Variants in RNF187 observed in about 807,000 individuals in gnomAD.
RNF187 encodes E3 ubiquitin-protein ligase RNF187.
RNF187 carries 18 observed loss-of-function variants against 22.2 expected under a neutral mutation model. That is an observed-to-expected ratio of 0.81 (90% CI 0.56 to 1.20). The LOEUF is 1.20. RNF187 is among the 50% of genes most tolerant of loss of function. The probability of loss-of-function intolerance (pLI) is 0.00; values close to 1 mark genes in which losing one functional copy is unlikely to be tolerated. For synonymous variants in RNF187, 164 were observed against 140.9 expected, an observed-to-expected ratio of 1.16 and a Z score of -1.16; for missense variants, 329 against 317.6, an observed-to-expected ratio of 1.04 and a Z score of -0.27.
Position 228,494,890 on chromosome 1 carries a change from G to C in RNF187, c.*1005G>C. 1 of 985,280 alleles carries C rather than the reference G, an allele frequency of 1.0e-6. No homozygotes were observed. Among genetic ancestry groups the C allele is most frequent in the Admixed American group, 6.2e-5 (1 of 16,254 alleles). The allele number at this position is 985,280 out of a possible 1,614,324, so 61.0% of individuals were successfully genotyped here. ...AGCCTTTCAGCCCTTCTGAGTCCCC[G>C]GCCCTTGGTGCGATGTCTGTGAGTT... On this transcript the variant is annotated 3_prime_UTR_variant, in exon 4 of 4. Transcript: ENST00000305943.
chr1:228,492,955 G>C, intron 2 of RNF187, 98 bp from the exon 3 acceptor site: 1 of 1,271,974 alleles, frequency 7.9e-7, no homozygotes, highest in Non-Finnish European at 1.1e-6. Flanking sequence ...GCATGTTTTG[G>C]AGTGGCATGT....
At chr1:228,489,688 C>T in intron 2 of RNF187, among the ~76,000 whole-genome samples, 12 of 152,316 alleles carry the variant, frequency 7.9e-5, no homozygotes, top group Admixed American at 1.3e-4. Context: ...GGCAGATTCC[C>T]TGTCTGGTGA....
chr1:228,493,199 G>GTTCAGGTCACTGCTGCAGGC lies in RNF187; in HGVS notation c.631_650dup (p.Val218SerfsTer117). The stretch of plus-strand genomic sequence containing the variant: ...ACGAGCTGGCTGACCCCACTGAGCG[G>GTTCAGGTCACTGCTGCAGGC]TTCAGGTCACTGCTGCAGGCGGTCT... On this transcript the variant is annotated frameshift_variant, in exon 3 of 4. Coordinates refer to ENST00000305943, the MANE Select transcript of RNF187 (RefSeq NM_001010858.3). LOFTEE classifies it high-confidence loss of function. This position sits in a 1 kb window ranked among gnomAD's most constrained non-coding sequence, Gnocchi z 4.7. 1 of 1,551,696 alleles carries GTTCAGGTCACTGCTGCAGGC rather than the reference G, an allele frequency of 6.4e-7. No homozygotes were observed. Among genetic ancestry groups the GTTCAGGTCACTGCTGCAGGC allele is most frequent in the Non-Finnish European group, 8.7e-7 (1 of 1,147,002 alleles).
Position 228,495,216 on chromosome 1 carries a change from T to C in RNF187, c.*1331T>C. ...TATAGGGTCCATGGGTGGGAATGAC[T>C]GTGAGGAGACATCAGGGCTGAGGGG... On this transcript the variant is annotated 3_prime_UTR_variant, in exon 4 of 4. Coordinates refer to ENST00000305943, the MANE Select transcript of RNF187 (RefSeq NM_001010858.3). 1 of 244,920 alleles carries C rather than the reference T, an allele frequency of 4.1e-6. No individual in the cohort carries two copies. Among genetic ancestry groups the C allele is most frequent in the South Asian group, 1.5e-4 (1 of 6,644 alleles). The allele number at this position is 244,920 out of a possible 1,614,324, so 15.2% of individuals were successfully genotyped here.
chr1:228,493,853 C>T lies in RNF187; in HGVS notation c.706-30C>T. On this transcript the variant is annotated intron_variant, in intron 3 of 3. Coordinates refer to ENST00000305943, the MANE Select transcript of RNF187 (RefSeq NM_001010858.3). This position sits in a 1 kb window ranked among gnomAD's most constrained non-coding sequence, Gnocchi z 4.7. ...TGTGTGTCTCTTTCTCTTTTTGTCT[C>T]TCTGTCTTTCCCTCTCCCCTCCCAT... 1.3e-5 allele frequency: 20 copies of T among 1,551,042 alleles called. No homozygotes were observed. Among genetic ancestry groups the T allele is most frequent in the East Asian group, 1.2e-4 (5 of 40,916 alleles).
chr1:228,488,265 C>T, intron 1 of RNF187: 2 of 153,194 alleles, frequency 1.3e-5, no homozygotes, highest in African/African-American at 4.8e-5. Flanking sequence ...CCTCTAGTTC[C>T]TACAGATTGA....
Position 228,493,880 on chromosome 1 carries a change from C to T in RNF187, c.706-3C>T. The T allele has an allele frequency of 3.2e-6, 5 of 1,551,698 alleles. No individual in the cohort carries two copies. The highest frequency in any genetic ancestry group is 2.0e-5 in the Admixed American group (1 of 50,998). On this transcript the variant is annotated splice_polypyrimidine_tract_variant and splice_region_variant and intron_variant, in intron 3 of 3. Transcript: ENST00000305943. The surrounding 1 kb of genome is among the most constrained non-coding windows in gnomAD (Gnocchi z 4.7). Reference sequence around the variant, plus strand: ...CTGTCTTTCCCTCTCCCCTCCCATGCAGTGATGGCGCCAACCCGTGGCAGT... The same window carrying T: ...CTGTCTTTCCCTCTCCCCTCCCATGTAGTGATGGCGCCAACCCGTGGCAGT...
chr1:228,495,545 C>T lies in RNF187; in HGVS notation c.*1660C>T. 1.0e-6 allele frequency: 1 copy of T among 985,438 alleles called. No individual in the cohort carries two copies. Among genetic ancestry groups the T allele is most frequent in the Non-Finnish European group, 1.2e-6 (1 of 830,016 alleles). 61.0% of individuals were successfully genotyped at this position (985,438 alleles called of 1,614,324 possible). On this transcript the variant is annotated 3_prime_UTR_variant, in exon 4 of 4. Coordinates refer to ENST00000305943, the MANE Select transcript of RNF187 (RefSeq NM_001010858.3). Reference sequence around the variant, plus strand: ...TCTCACTGTCTCCGCCTGCTGCAGTCTGCTGTCATCCCTGAGCATCCCTGC... The same window carrying T: ...TCTCACTGTCTCCGCCTGCTGCAGTTTGCTGTCATCCCTGAGCATCCCTGC...
In RNF187 at chr1:228,493,083, C is replaced by G; in HGVS notation, c.514C>G (p.Leu172Val). 1 of 1,551,202 alleles carries G rather than the reference C, an allele frequency of 6.4e-7. No homozygotes were observed. Among genetic ancestry groups the G allele is most frequent in the Non-Finnish European group, 8.7e-7 (1 of 1,146,680 alleles). ...CGTGATGGACCGTAGGAAGAAGGCA[C>G]TGACCGACTACAAGAAGCTGCGGGC... Residue 172 changes from leucine to valine, a missense_variant, in exon 3 of 4, where the codon CTG (leucine) becomes GTG (valine). Physicochemically the swap from Leu to Val is conservative, Grantham distance 32. Transcript: ENST00000305943. The surrounding 1 kb of genome is among the most constrained non-coding windows in gnomAD (Gnocchi z 4.7).
Position 228,494,211 on chromosome 1 carries a change from C to T in RNF187, c.*326C>T. 55 of 1,315,924 alleles carry T rather than the reference C, an allele frequency of 4.2e-5. No individual in the cohort carries two copies. In the African/African-American group the frequency reaches 4.3e-4, roughly 10 times the overall value. 81.5% of individuals were successfully genotyped at this position (1,315,924 alleles called of 1,614,324 possible). A position where few individuals can be genotyped will look rare whatever the true frequency, so the allele number is the denominator to read the frequency against. On this transcript the variant is annotated 3_prime_UTR_variant, in exon 4 of 4. Coordinates refer to ENST00000305943, the MANE Select transcript of RNF187 (RefSeq NM_001010858.3). ...TCCCTGGTCACCCATCTGCCCCTCA[C>T]CTCGTCATCCAGGGACCCAGACCCT...
chr1:228,490,106 CTT>C, intron 2 of RNF187, among the ~76,000 whole-genome samples: 1 of 152,314 alleles, frequency 6.6e-6, no homozygotes, highest in African/African-American at 2.4e-5. Context: ...CTATCTCCTT[CTT>C]TTAACCTGAA....
At chr1:228,492,550 G>A in intron 2 of RNF187, among the ~76,000 whole-genome samples, 2 of 150,444 alleles carry the variant, frequency 1.3e-5, no homozygotes, top group African/African-American at 4.9e-5. Flanking sequence ...TTAATCTCCG[G>A]ACCTCATGTT....
chr1:228,493,793 C>CT lies in RNF187; in HGVS notation c.706-87dup. On this transcript the variant is annotated intron_variant, in intron 3 of 3. Coordinates refer to ENST00000305943, the MANE Select transcript of RNF187 (RefSeq NM_001010858.3). The surrounding 1 kb of genome is among the most constrained non-coding windows in gnomAD (Gnocchi z 4.7). The stretch of plus-strand genomic sequence containing the variant: ...ATGCGCTGTCTCATGTGCGCTCTCT[C>CT]TTTCGCTCTCTCCTTTTGCCTCTGT... 1 of 1,397,730 alleles carries CT rather than the reference C, an allele frequency of 7.2e-7. No homozygotes were observed. The highest frequency in any genetic ancestry group is 9.9e-7 in the Non-Finnish European group (1 of 1,007,500). 86.6% of individuals were successfully genotyped at this position (1,397,730 alleles called of 1,614,324 possible). A position where few individuals can be genotyped will look rare whatever the true frequency, so the allele number is the denominator to read the frequency against.
chr1:228,489,433 G>C, intron 2 of RNF187, among the ~76,000 whole-genome samples: 2 of 152,074 alleles, frequency 1.3e-5, no homozygotes, highest in African/African-American at 4.8e-5. Flanking sequence ...CAGCCTCTGG[G>C]ACTATAGGCA....
Position 228,495,893 on chromosome 1 carries a change from T to A in RNF187, c.*2008T>A. 2.2e-6 allele frequency: 1 copy of A among 448,124 alleles called. No homozygotes were observed. Among genetic ancestry groups the A allele is most frequent in the Non-Finnish European group, 2.9e-6 (1 of 339,350 alleles). The allele number at this position is 448,124 out of a possible 1,614,324, so 27.8% of individuals were successfully genotyped here. A position where few individuals can be genotyped will look rare whatever the true frequency, so the allele number is the denominator to read the frequency against. ...TCAAATACAGTCATCCCTCTGTGCC[T>A]AAGGGGGATTGGTTCCAGGACCCCC... is the stretch of plus-strand genomic sequence containing the variant. On this transcript the variant is annotated 3_prime_UTR_variant, in exon 4 of 4. Coordinates refer to ENST00000305943, the MANE Select transcript of RNF187 (RefSeq NM_001010858.3).
At position 228,494,076 on chromosome 1, in the gene RNF187, C is replaced by T; in HGVS notation, c.*191C>T. The T allele has an allele frequency of 1.2e-5, 18 of 1,489,336 alleles. No individual in the cohort carries two copies. The highest frequency in any genetic ancestry group is 1.6e-5 in the Non-Finnish European group (18 of 1,120,680). 92.3% of individuals were successfully genotyped at this position (1,489,336 alleles called of 1,614,324 possible). A position where few individuals can be genotyped will look rare whatever the true frequency, so the allele number is the denominator to read the frequency against. ...GGCGTGTTTTGGGGGCTGCAAACAC[C>T]TCCCGGTAGAGGCTGGACCTGAGGA... On this transcript the variant is annotated 3_prime_UTR_variant, in exon 4 of 4. Coordinates refer to ENST00000305943, the MANE Select transcript of RNF187 (RefSeq NM_001010858.3).
intron 2 of RNF187, among the ~76,000 whole-genome samples, chr1:228,492,763 A>G: frequency 1.3e-5 from 2 of 149,356 alleles, no homozygotes; most frequent in Admixed American, 1.3e-4. Context: ...ATTAGCTGGG[A>G]TTACAGGCGT....
At position 228,495,989 on chromosome 1, in the gene RNF187, A is replaced by T; in HGVS notation, c.*2104A>T. On this transcript the variant is annotated 3_prime_UTR_variant, in exon 4 of 4. Transcript: ENST00000305943. ...CCCTCCCTCTGCACATATGTGGGACAGTCAGATACAGAGGGCCAACTGCGT... is the reference window on the plus strand; with the variant it reads ...CCCTCCCTCTGCACATATGTGGGACTGTCAGATACAGAGGGCCAACTGCGT... Among the ~76,000 whole-genome samples the T allele has an allele frequency of 5.3e-5, 8 of 152,364 alleles. 1 individual carries two copies. Among genetic ancestry groups the T allele is most frequent in the Admixed American group, 5.2e-4 (8 of 15,306 alleles).
chr1:228,489,357 C>G, intron 2 of RNF187, among the ~76,000 whole-genome samples: 43 of 152,032 alleles, frequency 2.8e-4, no homozygotes, highest in Admixed American at 1.2e-3. Context: ...ATTACCCAGG[C>G]TGAAGTGCAA....
Sources: gnomAD v4.1 joint callset for allele counts (sites outside exome capture counted in the v4.1 genomes callset) on GRCh38, gnomAD v4.1.1 for gene constraint, Gnocchi (gnomAD v3.1) non-coding constraint, MANE v1.5 for transcripts, NCBI Gene and HGNC (gene_info 2026-07-23, HGNC 2026-07-21) for gene names.